CFLAR: variants seen among roughly 807,000 people sequenced by gnomAD.
CFLAR encodes the protein CASP8 and FADD like apoptosis regulator, also known as CASP8 and FADD-like apoptosis regulator.
CFLAR carries 14 observed loss-of-function variants against 51.1 expected under a neutral mutation model. The observed-to-expected ratio is 0.27, with a 90% CI of 0.18 to 0.43. The LOEUF (loss-of-function observed/expected upper bound fraction) is 0.43. Ranked by LOEUF, CFLAR falls within the 20% of genes least tolerant of loss-of-function variation. The probability of loss-of-function intolerance (pLI) is 1.00; values close to 1 mark genes in which losing one functional copy is unlikely to be tolerated. For synonymous variants in CFLAR, 210 were observed against 211.6 expected (o/e 0.99, Z 0.06); for missense variants, 390 against 566.5 (o/e 0.69, Z 3.16).
At position 201,166,348 on chromosome 2, in the gene CFLAR, C is replaced by T. The variant is rs1394119189; in HGVS notation, c.*2375C>T. 1 of 167,840 alleles carries T rather than the reference C, an allele frequency of 6.0e-6. No homozygotes were observed. Among genetic ancestry groups the T allele is most frequent in the Non-Finnish European group, 1.3e-5 (1 of 78,570 alleles). The allele number at this position is 167,840 out of a possible 1,614,324, so 10.4% of individuals were successfully genotyped here. On this transcript the variant is annotated 3_prime_UTR_variant, in exon 10 of 10. Transcript: ENST00000309955. ...ACGGGGTGGCTGCTGGGCGGAGACG[C>T]TCCTCACTTCCCAGACAGGGTGGCT...
chr2:201,140,192 G>A, intron 4 of CFLAR, 165 bp from the exon 5 acceptor site: 1 of 748,268 alleles, frequency 1.3e-6, no homozygotes. Context: ...CATTCTTCAT[G>A]ATGTTTGGTC....
chr2:201,155,987 G>A (rs1455856251), intron 8 of CFLAR, among the ~76,000 whole-genome samples: 1 of 152,146 alleles, frequency 6.6e-6, no homozygotes, highest in Admixed American at 6.5e-5. Context: ...TTGAACTCCT[G>A]GCTTCAAGTG....
chr2:201,136,245 C>G, intron 4 of CFLAR, 138 bp downstream of exon 4: 1 of 1,604,794 alleles, frequency 6.2e-7, no homozygotes, highest in Non-Finnish European at 8.5e-7. Context: ...TAGCTTGTGG[C>G]TAGAAATCGC....
rs937879272 is a variant in CFLAR at position 201,118,199 on chromosome 2, T to C, written c.-138+1718T>C. ...ATGTCCTCGTTAAAATGGCTTTCTCTAGCGACTTTATGTTTTACGTTTCTG... is the reference window on the plus strand; with the variant it reads ...ATGTCCTCGTTAAAATGGCTTTCTCCAGCGACTTTATGTTTTACGTTTCTG... On this transcript the variant is annotated intron_variant, in intron 1 of 9. Transcript: ENST00000309955. This position sits in a 1 kb window ranked among gnomAD's most constrained non-coding sequence, Gnocchi z 5.1. Among the ~76,000 whole-genome samples the C allele has an allele frequency of 1.3e-5, 2 of 152,288 alleles. No individual in the cohort carries two copies. Among genetic ancestry groups the C allele is most frequent in the South Asian group, 4.1e-4 (2 of 4,838 alleles).
chr2:201,136,604 C>T, intron 4 of CFLAR: 1 of 1,437,866 alleles, frequency 7.0e-7, no homozygotes, highest in Non-Finnish European at 9.1e-7. Flanking sequence ...TGGCCTTCTG[C>T]TTTACTTGCA....
chr2:201,116,772 C>G lies in CFLAR; in HGVS notation c.-138+291C>G, dbSNP rs574852507. 9.9e-4 allele frequency: 151 copies of G among 152,280 alleles called. No individual in the cohort carries two copies. The highest frequency in any genetic ancestry group is 1.4e-3 in the Non-Finnish European group (92 of 68,100). The allele number at this position is 152,280 out of a possible 1,614,324, so 9.4% of individuals were successfully genotyped here. A position where few individuals can be genotyped will look rare whatever the true frequency, so the allele number is the denominator to read the frequency against. On this transcript the variant is annotated intron_variant, in intron 1 of 9. Transcript: ENST00000309955. This position sits in a 1 kb window ranked among gnomAD's most constrained non-coding sequence, Gnocchi z 4.8. ...CCCCCGCTTCCGTTTCCGCCCGGCT[C>G]CGAACCCCCGAACCCCTTCTACCCG...
chr2:201,139,991 A>G, intron 4 of CFLAR: 1 of 284,200 alleles, frequency 3.5e-6, no homozygotes, highest in Non-Finnish European at 7.2e-6. Flanking sequence ...GTCCTCGACC[A>G]CGTAGCCGGT....
chr2:201,135,125 A>G (rs765291235), intron 3 of CFLAR, among the ~76,000 whole-genome samples: 5 of 152,252 alleles, frequency 3.3e-5, no homozygotes, highest in Non-Finnish European at 5.9e-5. Context: ...AGGTAAACGA[A>G]TAGCAGAATA....
At chr2:201,130,334 G>C (rs2049132482) in intron 2 of CFLAR, among the ~76,000 whole-genome samples, 188 bp downstream of exon 2, 1 of 138,144 alleles carries the variant, frequency 7.2e-6, no homozygotes, top group South Asian at 2.4e-4. Context: ...TTGTTTTCTT[G>C]CTTTCTTTTT....
rs933707341 is a variant in CFLAR at position 201,125,636 on chromosome 2, T to G, written c.-137-4093T>G. Among the ~76,000 whole-genome samples, 9 of 151,954 alleles carry G rather than the reference T, an allele frequency of 5.9e-5. No individual in the cohort carries two copies. The South Asian group carries it at 8.3e-4, about 14-fold the overall frequency. ...CTGATACATGGATGAGAAATGGCACTGGGGGTGGTGTTGGGATGGAAGAGA... is the reference window on the plus strand; with the variant it reads ...CTGATACATGGATGAGAAATGGCACGGGGGGTGGTGTTGGGATGGAAGAGA... On this transcript the variant is annotated intron_variant, in intron 1 of 9. Coordinates refer to ENST00000309955, the MANE Select transcript of CFLAR (RefSeq NM_003879.7).
rs867997525 is a variant in CFLAR at position 201,138,161 on chromosome 2, C to G, written c.523+2054C>G. 2.2e-6 allele frequency: 2 copies of G among 894,056 alleles called. No individual in the cohort carries two copies. The highest frequency in any genetic ancestry group is 3.3e-5 in the African/African-American group (2 of 61,206). The allele number at this position is 894,056 out of a possible 1,614,324, so 55.4% of individuals were successfully genotyped here. A position where few individuals can be genotyped will look rare whatever the true frequency, so the allele number is the denominator to read the frequency against. ...CTGGGCTGCTGTCACCACGTTCCCC[C>G]CAATCACCTGGAGGTGGGGTTACTT... is the stretch of plus-strand genomic sequence containing the variant. On this transcript the variant is annotated intron_variant, in intron 4 of 9. Coordinates refer to ENST00000309955, the MANE Select transcript of CFLAR (RefSeq NM_003879.7). The surrounding 1 kb of genome is among the most constrained non-coding windows in gnomAD (Gnocchi z 4.0).
chr2:201,129,832 A>AGACCCTTGT lies in CFLAR; in HGVS notation c.-31_-23dup. ...TTGACTGGCCCGGAGCTGTACTGCA[A>AGACCCTTGT]GACCCTTGTGAGCTTCCCTAGTCTA... On this transcript the variant is annotated 5_prime_UTR_variant, in exon 2 of 10. Coordinates refer to ENST00000309955, the MANE Select transcript of CFLAR (RefSeq NM_003879.7). 1 of 1,606,326 alleles carries AGACCCTTGT rather than the reference A, an allele frequency of 6.2e-7. No homozygotes were observed. The highest frequency in any genetic ancestry group is 1.1e-5 in the South Asian group (1 of 90,252).
At chr2:201,149,436 T>C (rs754710563) in intron 7 of CFLAR, 3 of 305,106 alleles carry the variant, frequency 9.8e-6, no homozygotes, top group Non-Finnish European at 1.8e-5. Context: ...TTATATAACT[T>C]CAGGTTACTG....
At chr2:201,148,780 G>A in intron 6 of CFLAR, 1 of 461,358 alleles carries the variant, frequency 2.2e-6, no homozygotes, top group Non-Finnish European at 4.0e-6. Flanking sequence ...TGTTTAAGCA[G>A]CTTTTCCAGA....
rs1483514585 is a variant in CFLAR, at chr2:201,166,175, A to G, written c.*2202A>G. The G allele has an allele frequency of 6.4e-6, 1 of 156,398 alleles. No homozygotes were observed. The allele number at this position is 156,398 out of a possible 1,614,324, so 9.7% of individuals were successfully genotyped here. ...GGGCGGCCAGGCGGACGCGCCCCCC[A>G]CCTCCCTCCCGGACGGGATAGCTGG... On this transcript the variant is annotated 3_prime_UTR_variant, in exon 10 of 10. Coordinates refer to ENST00000309955, the MANE Select transcript of CFLAR (RefSeq NM_003879.7).
At chr2:201,127,952 G>A (rs752573458) in intron 1 of CFLAR, among the ~76,000 whole-genome samples, 40 of 152,074 alleles carry the variant, frequency 2.6e-4, no homozygotes, top group Non-Finnish European at 4.7e-4. Flanking sequence ...TTAACTCTTG[G>A]TGGCATTGTT....
At chr2:201,125,375 C>T (rs1163959891) in intron 1 of CFLAR, among the ~76,000 whole-genome samples, 1 of 152,086 alleles carries the variant, frequency 6.6e-6, no homozygotes, top group African/African-American at 2.4e-5. Context: ...GATGGTAGGT[C>T]TAGGGGACCC....
chr2:201,148,378 C>T (rs1441105639), intron 6 of CFLAR: 3 of 151,840 alleles, frequency 2.0e-5, no homozygotes, highest in Non-Finnish European at 2.9e-5. Flanking sequence ...GTGGCACAAT[C>T]TCTGCTCAAA....
Position 201,149,654 on chromosome 2 carries a change from C to T in CFLAR, c.712-100C>T, listed in dbSNP as rs990007251. 7.1e-6 allele frequency: 6 copies of T among 848,878 alleles called. No individual in the cohort carries two copies. The East Asian group carries it at 1.1e-4, about 15-fold the overall frequency. 52.6% of individuals were successfully genotyped at this position (848,878 alleles called of 1,614,324 possible). On this transcript the variant is annotated intron_variant, in intron 7 of 9. Transcript: ENST00000309955. ...AGGCTGTGTCTGTTGAGTGACTCAC[C>T]TGCCAAAGGAAATCCAAAAGAAGAG...
Sources: gnomAD v4.1 joint callset for allele counts (sites outside exome capture counted in the v4.1 genomes callset) on GRCh38, gnomAD v4.1.1 for gene constraint, Gnocchi (gnomAD v3.1) non-coding constraint, MANE v1.5 for transcripts, NCBI Gene and HGNC (gene_info 2026-07-23, HGNC 2026-07-21) for gene names.